The following PRDM16 variants were observed in gnomAD, a reference collection of about 807,000 sequenced individuals.
The protein encoded by PRDM16 is histone-lysine N-methyltransferase PRDM16.
Under a neutral mutation model 110.6 loss-of-function variants are expected in PRDM16, and 23 were observed. The ratio of observed to expected loss-of-function variants is 0.21; its 90% CI spans 0.15 to 0.29. The LOEUF (loss-of-function observed/expected upper bound fraction) is 0.29, where lower values mean the gene tolerates loss of function less well. Ranked by LOEUF, PRDM16 falls within the 10% of genes least tolerant of loss-of-function variation. PRDM16 has a pLI of 1.00. For missense variants in PRDM16, 1,615 were observed against 1,794.3 expected, an observed-to-expected ratio of 0.90 and a Z score of 1.81; for synonymous variants, 799 against 781.8, an observed-to-expected ratio of 1.02 and a Z score of -0.37.
chr1:3,134,907 G>C (rs531752167), intron 1 of PRDM16, among the ~76,000 whole-genome samples: 2 of 152,212 alleles, frequency 1.3e-5, no homozygotes, highest in African/African-American at 4.8e-5. Context: ...CGAGGGGATC[G>C]GGCCGGGTAT....
At chr1:3,164,515 G>A (rs1320680798) in intron 1 of PRDM16, among the ~76,000 whole-genome samples, 4 of 152,130 alleles carry the variant, frequency 2.6e-5, no homozygotes, top group African/African-American at 4.8e-5. Context: ...ACCTGCACCC[G>A]GCCTCCCTTG....
chr1:3,431,973 G>A lies in PRDM16; in HGVS notation c.3529G>A (p.Glu1177Lys). Reference protein sequence around the residue: ...VGFDHTRRCAEDHEGGLLALE... With the variant: ...VGFDHTRRCAKDHEGGLLALE... ...CCCCGGTCATTGGTGCAGGTGTGCT[G>A]AGGACCACGAAGGCGGTCTGTTAGC... Residue 1177 changes from glutamate to lysine, a missense_variant, in exon 16 of 17, where the codon GAG becomes AAG. Glu to Lys is a moderately conservative substitution (Grantham distance 56, BLOSUM62 1). Around this residue, in one of 5 missense-constraint regions of PRDM16, gnomAD observed 327 missense variants for 359.3 expected, o/e 0.91. Transcript: ENST00000270722. 2.5e-6 allele frequency: 4 copies of A among 1,613,166 alleles called. No homozygotes were observed. Among genetic ancestry groups the A allele is most frequent in the South Asian group, 1.1e-5 (1 of 91,030 alleles).
At chr1:3,217,196 G>C (rs931850890) in intron 2 of PRDM16, among the ~76,000 whole-genome samples, 2 of 152,256 alleles carry the variant, frequency 1.3e-5, no homozygotes, top group Non-Finnish European at 2.9e-5. Context: ...TGTGTGAGTT[G>C]ATCGGCAGTG....
intron 1 of PRDM16, among the ~76,000 whole-genome samples, chr1:3,087,882 C>T (rs1642186674): frequency 6.6e-6 from 1 of 152,056 alleles, no homozygotes; most frequent in South Asian, 2.1e-4. Flanking sequence ...TGTTTGTGCT[C>T]TGGGGTCTGG....
chr1:3,233,913 G>A (rs534200881), intron 2 of PRDM16, among the ~76,000 whole-genome samples: 15 of 152,088 alleles, frequency 9.9e-5, no homozygotes, highest in African/African-American at 3.4e-4. Context: ...AAGGTGGGGG[G>A]AAATTCTATG....
rs374596106 is a variant in PRDM16, at chr1:3,146,153, C to T, written c.38-39972C>T. Among the ~76,000 whole-genome samples the T allele has an allele frequency of 3.9e-5, 6 of 152,332 alleles. No homozygotes were observed. The East Asian group carries it at 5.8e-4, about 15-fold the overall frequency. ...GCTGCACTGCAGACTCTCCAGCCCC[C>T]GCACATTTGGGATATTCTGCCGCCT... On this transcript the variant is annotated intron_variant, in intron 1 of 16. Coordinates refer to ENST00000270722, the MANE Select transcript of PRDM16 (RefSeq NM_022114.4).
At position 3,265,381 on chromosome 1, in the gene PRDM16, G is replaced by T. The variant is rs1640263098; in HGVS notation, c.438+21244G>T. ...CTAGGCACAGCTCATGGGGAGGCCTGACGGGCCTGAGACTGATGATGTGAA... is the reference window on the plus strand; with the variant it reads ...CTAGGCACAGCTCATGGGGAGGCCTTACGGGCCTGAGACTGATGATGTGAA... On this transcript the variant is annotated intron_variant, in intron 3 of 16. Transcript: ENST00000270722. This position sits in a 1 kb window ranked among gnomAD's most constrained non-coding sequence, Gnocchi z 4.5. Among the ~76,000 whole-genome samples the T allele has an allele frequency of 6.6e-6, 1 of 152,054 alleles. No homozygotes were observed. The highest frequency in any genetic ancestry group is 1.5e-5 in the Non-Finnish European group (1 of 67,994).
At chr1:3,260,013 A>G (rs939861768) in intron 3 of PRDM16, among the ~76,000 whole-genome samples, 5 of 152,044 alleles carry the variant, frequency 3.3e-5, no homozygotes, top group African/African-American at 1.2e-4. Flanking sequence ...TTCCAGCATC[A>G]CACACCCTTC....
intron 2 of PRDM16, among the ~76,000 whole-genome samples, chr1:3,205,522 TG>T (rs950930618): frequency 2.6e-5 from 4 of 151,358 alleles, no homozygotes; most frequent in Admixed American, 6.6e-5. Flanking sequence ...AAAACAGAGG[TG>T]GGGGGCAGGG....
At chr1:3,155,686 T>G (rs551500786) in intron 1 of PRDM16, among the ~76,000 whole-genome samples, 5 of 152,258 alleles carry the variant, frequency 3.3e-5, no homozygotes, top group African/African-American at 1.2e-4. Context: ...TTTTCCACTT[T>G]GCAAAATGTG....
At chr1:3,352,841 G>C (rs1642520580) in intron 3 of PRDM16, among the ~76,000 whole-genome samples, 1 of 152,054 alleles carries the variant, frequency 6.6e-6, no homozygotes, top group African/African-American at 2.4e-5. Context: ...CAAGGCCTCT[G>C]CCCGGTGTCA....
At position 3,155,458 on chromosome 1, in the gene PRDM16, G is replaced by A. The variant is rs1257466355; in HGVS notation, c.38-30667G>A. Among the ~76,000 whole-genome samples, 6 of 152,198 alleles carry A rather than the reference G, an allele frequency of 3.9e-5. No individual in the cohort carries two copies. The East Asian group carries it at 1.2e-3, about 29-fold the overall frequency. On this transcript the variant is annotated intron_variant, in intron 1 of 16. Transcript: ENST00000270722. ...GTATCGCTGTACACAGATTTGCACC[G>A]TGGTGTTCTCTGAGGGAGCAGAAAA...
chr1:3,403,612 G>C (rs1643511392), intron 6 of PRDM16, among the ~76,000 whole-genome samples: 1 of 152,222 alleles, frequency 6.6e-6, no homozygotes, highest in Admixed American at 6.5e-5. Context: ...GCCCTCCCCT[G>C]CCCTGAGACC....
intron 1 of PRDM16, among the ~76,000 whole-genome samples, chr1:3,176,980 C>A (rs560921781): frequency 3.3e-5 from 5 of 152,172 alleles, no homozygotes; most frequent in African/African-American, 1.2e-4. Flanking sequence ...ATTAACCCAT[C>A]CAGCACTCAT....
chr1:3,409,276 G>T (rs1465344486), intron 8 of PRDM16, among the ~76,000 whole-genome samples: 3 of 151,920 alleles, frequency 2.0e-5, no homozygotes, highest in African/African-American at 4.8e-5. Context: ...TGTTTGGCCG[G>T]CAGGGCTGAG....
At chr1:3,412,913 C>A in intron 9 of PRDM16, 113 bp downstream of exon 9, 1 of 879,472 alleles carries the variant, frequency 1.1e-6, no homozygotes, top group South Asian at 2.4e-5. Context: ...CGTCCCCCGG[C>A]CTTTGCTGAC....
intron 3 of PRDM16, among the ~76,000 whole-genome samples, chr1:3,248,006 C>A (rs1639831669): frequency 6.6e-6 from 1 of 152,216 alleles, no homozygotes; most frequent in Non-Finnish European, 1.5e-5. Flanking sequence ...CCCTGGAGAG[C>A]CCGCCGGAGC....
At chr1:3,212,793 G>A (rs1248816331) in intron 2 of PRDM16, among the ~76,000 whole-genome samples, 4 of 152,146 alleles carry the variant, frequency 2.6e-5, no homozygotes, top group African/African-American at 9.7e-5. Flanking sequence ...CCTCGGCGTG[G>A]CTCTGCCTGC....
intron 7 of PRDM16, 38 bp from the exon 8 acceptor site, chr1:3,405,457 C>A (rs1643546051): frequency 1.3e-6 from 2 of 1,515,682 alleles, no homozygotes; most frequent in East Asian, 2.4e-5. Context: ...AGGCGGGTGT[C>A]CAGGCAGGGC....
Sources: gnomAD v4.1 joint callset for allele counts (sites outside exome capture counted in the v4.1 genomes callset) on GRCh38, gnomAD v4.1.1 for gene constraint, gnomAD v4.1.1 regional missense constraint, Gnocchi (gnomAD v3.1) non-coding constraint, MANE v1.5 for transcripts, NCBI Gene and HGNC (gene_info 2026-07-23, HGNC 2026-07-21) for gene names.